The following IGSF10 variants were observed in gnomAD, a reference collection of about 807,000 sequenced individuals.
IGSF10 encodes immunoglobulin superfamily member 10.
Under a neutral mutation model 128.2 loss-of-function variants are expected in IGSF10, and 126 were observed. The observed-to-expected ratio is 0.98, with a 90% confidence interval of 0.85 to 1.14. The LOEUF is 1.14. IGSF10 is among the 50% of genes most tolerant of loss of function. The pLI is 0.00. For synonymous variants in IGSF10, 1,185 were observed against 1,146.2 expected, an observed-to-expected ratio of 1.03 and a Z score of -0.68; for missense variants, 3,295 against 3,149.8, an observed-to-expected ratio of 1.05 and a Z score of -1.10.
chr3:151,574,034 G>C, the IGSF10 span, among the ~76,000 whole-genome samples: 5 of 152,114 alleles, frequency 3.3e-5, no homozygotes, highest in Admixed American at 1.3e-4. Context: ...TAAGAATGTT[G>C]AATATTGGCT....
At chr3:151,470,976 G>C in the IGSF10 span, among the ~76,000 whole-genome samples, 1 of 152,244 alleles carries the variant, frequency 6.6e-6, no homozygotes, top group African/African-American at 2.4e-5. Flanking sequence ...TCTGCCCAAT[G>C]ATGGTGAAGA....
At chr3:151,483,626 T>A in the IGSF10 span, among the ~76,000 whole-genome samples, 1 of 152,162 alleles carries the variant, frequency 6.6e-6, no homozygotes, top group Non-Finnish European at 1.5e-5. Context: ...GTCATCTCAC[T>A]GGGACTGGTT....
rs777713244 is a variant in IGSF10, at chr3:151,443,853, G to A, written c.5094C>T (p.Ser1698=). Residue 1698 remains serine (S), a synonymous_variant, in exon 7 of 8, where the codon AGC becomes AGT. Transcript: ENST00000282466. ...TACCATTGGGGAGAACCTGGACCCT[G>A]CTATTCTGTTTCCTCTTAGATAAAT... ...GLDLSKRKQN[S]RVQVLPNGTL... 2.5e-6 allele frequency: 4 copies of A among 1,609,890 alleles called. No individual in the cohort carries two copies. Among genetic ancestry groups the A allele is most frequent in the Non-Finnish European group, 3.4e-6 (4 of 1,176,906 alleles).
the IGSF10 span, among the ~76,000 whole-genome samples, chr3:151,510,356 G>A: frequency 6.6e-6 from 1 of 152,264 alleles, no homozygotes; most frequent in South Asian, 2.1e-4. Context: ...CTGATACCCA[G>A]GCAAAGAGTG....
chr3:151,551,400 C>A, the IGSF10 span, among the ~76,000 whole-genome samples: 2 of 152,052 alleles, frequency 1.3e-5, no homozygotes, highest in African/African-American at 4.8e-5. Context: ...AATCTATGTA[C>A]ACAAAAAGTT....
chr3:151,458,845 G>T, intron 2 of IGSF10, 135 bp from the exon 3 acceptor site: 1 of 653,104 alleles, frequency 1.5e-6, no homozygotes, highest in Non-Finnish European at 2.6e-6. Context: ...ACCCTTTGTG[G>T]TCATATGCAC....
At chr3:151,619,668 G>T in the IGSF10 span, among the ~76,000 whole-genome samples, 4 of 152,218 alleles carry the variant, frequency 2.6e-5, no homozygotes, top group East Asian at 7.7e-4. Context: ...TCCTGGAAAA[G>T]CTTATTTGTT....
At chr3:151,509,160 A>G in the IGSF10 span, among the ~76,000 whole-genome samples, 2 of 152,236 alleles carry the variant, frequency 1.3e-5, no homozygotes, top group African/African-American at 2.4e-5. Context: ...TGGACTGGGT[A>G]AGAATTCCTA....
At chr3:151,587,865 T>C in the IGSF10 span, among the ~76,000 whole-genome samples, 3 of 152,214 alleles carry the variant, frequency 2.0e-5, no homozygotes, top group South Asian at 4.1e-4. Context: ...CTGCCATCCA[T>C]GTAAGACATG....
the IGSF10 span, among the ~76,000 whole-genome samples, chr3:151,587,968 C>T: frequency 6.6e-6 from 1 of 152,108 alleles, no homozygotes; most frequent in African/African-American, 2.4e-5. Context: ...TTGTAAATTG[C>T]CCAGTCTCAG....
the IGSF10 span, among the ~76,000 whole-genome samples, chr3:151,497,793 C>T: frequency 9.2e-5 from 14 of 152,014 alleles, no homozygotes; most frequent in South Asian, 4.2e-4. Context: ...ACGATATTGA[C>T]TCTTCCTATC....
At chr3:151,453,839 T>C (rs1460984187) in intron 4 of IGSF10, 65 bp from the exon 5 acceptor site, 1 of 970,036 alleles carries the variant, frequency 1.0e-6, no homozygotes, top group African/African-American at 1.6e-5. Context: ...GGAAAAGTCC[T>C]ATCAATAACA....
the IGSF10 span, among the ~76,000 whole-genome samples, chr3:151,519,567 A>G: frequency 6.6e-6 from 1 of 151,818 alleles, no homozygotes. Context: ...CAGCCATCCC[A>G]TTGTTAAGAA....
At chr3:151,492,815 A>T in the IGSF10 span, among the ~76,000 whole-genome samples, 1 of 152,166 alleles carries the variant, frequency 6.6e-6, no homozygotes, top group East Asian at 1.9e-4. Flanking sequence ...TGAAATCATC[A>T]CTTCAAAAAG....
At chr3:151,520,466 T>C in the IGSF10 span, among the ~76,000 whole-genome samples, 1 of 151,688 alleles carries the variant, frequency 6.6e-6, no homozygotes, top group Non-Finnish European at 1.5e-5. Flanking sequence ...AGTATTCTGA[T>C]TAAAAACCAT....
the IGSF10 span, among the ~76,000 whole-genome samples, chr3:151,480,880 T>C: frequency 6.6e-6 from 1 of 151,944 alleles, no homozygotes; most frequent in Non-Finnish European, 1.5e-5. Flanking sequence ...TATCACCCCA[T>C]TCCCCCAGCA....
At chr3:151,442,946 A>C (rs375006652) in intron 7 of IGSF10, 38 bp downstream of exon 7, 13 of 1,563,646 alleles carry the variant, frequency 8.3e-6, no homozygotes, top group Non-Finnish European at 1.1e-5. Context: ...AGCTAAATAC[A>C]TAAAGCAGAT....
Position 151,448,114 on chromosome 3 carries a change from T to C in IGSF10, c.1867A>G (p.Lys623Glu). ...NVLYQSSRDK[K>E]VLNNGTLRIL... Reference sequence around the variant, plus strand: ...CTTAATGTGCCATTGTTTAGAACTTTCTTGTCTCTTGATGACTGATAGAGC... The same window carrying C: ...CTTAATGTGCCATTGTTTAGAACTTCCTTGTCTCTTGATGACTGATAGAGC... The change falls in exon 6 of 8, where the codon AAA becomes GAA. Residue 623 changes from lysine to glutamate, a missense_variant. Coordinates refer to ENST00000282466, the MANE Select transcript of IGSF10 (RefSeq NM_178822.5). The C allele has an allele frequency of 6.2e-7, 1 of 1,614,204 alleles. No individual in the cohort carries two copies. The highest frequency in any genetic ancestry group is 1.6e-4 in the Middle Eastern group (1 of 6,062).
chr3:151,444,817 T>A, intron 6 of IGSF10, 102 bp downstream of exon 6: 11 of 1,121,680 alleles, frequency 9.8e-6, no homozygotes, highest in Non-Finnish European at 1.4e-5. Flanking sequence ...CTTAGAAAAA[T>A]TTGAAACTGA....
Sources: allele counts gnomAD v4.1 joint callset (sites outside exome capture counted in the v4.1 genomes callset), GRCh38; gene constraint gnomAD v4.1.1; transcripts MANE v1.5; gene names NCBI Gene and HGNC (gene_info 2026-07-23, HGNC 2026-07-21).